Variants in NRXN3 observed in about 807,000 individuals in gnomAD.
The protein encoded by NRXN3 is neurexin 3.
NRXN3 carries 32 observed loss-of-function variants against 137.6 expected under a neutral mutation model. That is an observed-to-expected ratio of 0.23 (90% confidence interval 0.18 to 0.31). The LOEUF (loss-of-function observed/expected upper bound fraction) is 0.31. Among genes scored for constraint, NRXN3 ranks in the 10% least tolerant of loss-of-function variants. The pLI is 1.00. For missense variants in NRXN3, 1,574 were observed against 2,062.5 expected, an observed-to-expected ratio of 0.76 and a Z score of 4.59; for synonymous variants, 798 against 784.5, an observed-to-expected ratio of 1.02 and a Z score of -0.29.
intron 4 of NRXN3, among the ~76,000 whole-genome samples, chr14:78,440,510 A>G (rs1392891166): frequency 6.6e-6 from 1 of 152,096 alleles, no homozygotes; most frequent in Non-Finnish European, 1.5e-5. Context: ...CCTCTTGGGC[A>G]CGGAGTTTAT....
At chr14:78,392,334 C>T (rs919424401) in intron 4 of NRXN3, among the ~76,000 whole-genome samples, 2 of 152,184 alleles carry the variant, frequency 1.3e-5, no homozygotes, top group African/African-American at 4.8e-5. Context: ...TGCATACAGA[C>T]TCCTCAAAGA....
At chr14:79,170,872 T>C (rs538818002) in intron 15 of NRXN3, among the ~76,000 whole-genome samples, 2 of 152,228 alleles carry the variant, frequency 1.3e-5, no homozygotes, top group South Asian at 2.1e-4. Context: ...GGGTTTAGGA[T>C]ACTAATCAGT....
chr14:78,271,013 C>T (rs1388688876), intron 2 of NRXN3, among the ~76,000 whole-genome samples: 1 of 152,132 alleles, frequency 6.6e-6, no homozygotes, highest in African/African-American at 2.4e-5. Context: ...GTTATGAGTC[C>T]CACCCCACAA....
chr14:78,592,786 G>C (rs558479987), intron 4 of NRXN3, among the ~76,000 whole-genome samples: 28 of 152,272 alleles, frequency 1.8e-4, no homozygotes, highest in Non-Finnish European at 2.8e-4. Flanking sequence ...GCTGGGTATT[G>C]TGCGTGACAA....
chr14:78,671,308 A>G (rs2033149640), intron 6 of NRXN3, among the ~76,000 whole-genome samples: 1 of 152,218 alleles, frequency 6.6e-6, no homozygotes, highest in South Asian at 2.1e-4. Context: ...AGTGATAATC[A>G]TTTTCAAATT....
intron 4 of NRXN3, among the ~76,000 whole-genome samples, chr14:78,643,599 A>G (rs1164487392): frequency 6.6e-6 from 1 of 152,212 alleles, no homozygotes; most frequent in Admixed American, 6.5e-5. Context: ...GCTCAAATTT[A>G]GAGTTTTTGG....
chr14:79,391,609 G>C (rs904052000), intron 15 of NRXN3, among the ~76,000 whole-genome samples: 3 of 152,154 alleles, frequency 2.0e-5, no homozygotes, highest in Admixed American at 6.5e-5. Context: ...TAAAACTAAA[G>C]GGTGAGCTGT....
intron 4 of NRXN3, among the ~76,000 whole-genome samples, chr14:78,449,945 C>T (rs191117907): frequency 1.9e-3 from 292 of 152,332 alleles, no homozygotes; most frequent in Middle Eastern, 0.01. Context: ...CTCTAACAGA[C>T]CATTGGCTAT....
chr14:79,659,377 C>T (rs2098522053), intron 16 of NRXN3, among the ~76,000 whole-genome samples: 1 of 152,090 alleles, frequency 6.6e-6, no homozygotes, highest in Admixed American at 6.6e-5. Context: ...CTACACTTTG[C>T]ATTTCTTAGA....
At chr14:78,705,403 C>T in intron 6 of NRXN3, among the ~76,000 whole-genome samples, 1 of 152,120 alleles carries the variant, frequency 6.6e-6, no homozygotes, top group East Asian at 1.9e-4. Context: ...CTGCACAGAG[C>T]AGGTGGGGAA....
chr14:78,930,432 A>T (rs1364724620), intron 10 of NRXN3, among the ~76,000 whole-genome samples: 2 of 152,214 alleles, frequency 1.3e-5, no homozygotes, highest in African/African-American at 4.8e-5. Context: ...GTTAAGAAGG[A>T]GGATTCTAAC....
intron 8 of NRXN3, among the ~76,000 whole-genome samples, chr14:78,770,225 C>A (rs1378308137): frequency 6.6e-6 from 1 of 152,134 alleles, no homozygotes; most frequent in Non-Finnish European, 1.5e-5. Context: ...CAGGGTCGCC[C>A]AGCGCTGGTA....
chr14:79,026,961 TA>T (rs58784494), intron 15 of NRXN3, among the ~76,000 whole-genome samples: 30 of 226 alleles, frequency 0.13, no homozygotes, highest in Non-Finnish European at 0.28. Flanking sequence ...TATATATATA[TA>T]TATATATATA....
chr14:78,956,096 T>C (rs2099396350), intron 10 of NRXN3, among the ~76,000 whole-genome samples: 1 of 152,194 alleles, frequency 6.6e-6, no homozygotes, highest in South Asian at 2.1e-4. Flanking sequence ...CATAGGGATA[T>C]ATTAGCCACT....
chr14:79,383,780 C>T (rs2094532736), intron 15 of NRXN3, among the ~76,000 whole-genome samples: 1 of 152,076 alleles, frequency 6.6e-6, no homozygotes, highest in African/African-American at 2.4e-5. Flanking sequence ...TTTTATTATC[C>T]AATTGTAACC....
chr14:79,087,590 A>G (rs1471142143), intron 15 of NRXN3, among the ~76,000 whole-genome samples: 1 of 152,178 alleles, frequency 6.6e-6, no homozygotes, highest in Non-Finnish European at 1.5e-5. Flanking sequence ...TAGAGTCTTG[A>G]AGAGGGCATA....
At chr14:79,818,560 AAACAAC>A (rs529919003) in intron 20 of NRXN3, among the ~76,000 whole-genome samples, 204 of 152,090 alleles carry the variant, frequency 1.3e-3, no homozygotes, top group African/African-American at 4.6e-3. Context: ...AGAAAGCAAA[AAACAAC>A]AACAACAACA....
chr14:78,311,002 CTCATTAAATATGG>C (rs2077915655), intron 4 of NRXN3, among the ~76,000 whole-genome samples: 1 of 152,150 alleles, frequency 6.6e-6, no homozygotes, highest in Non-Finnish European at 1.5e-5. Flanking sequence ...ATCAGCATCA[CTCATTAAATATGG>C]GAACTTTGAA....
At chr14:78,861,961 T>C (rs182265302) in intron 10 of NRXN3, among the ~76,000 whole-genome samples, 2 of 152,266 alleles carry the variant, frequency 1.3e-5, no homozygotes, top group African/African-American at 2.4e-5. Context: ...AGGCACTCTT[T>C]TAGGCACTGA....
Sources: gnomAD v4.1 joint callset for allele counts (sites outside exome capture counted in the v4.1 genomes callset) on GRCh38, gnomAD v4.1.1 for gene constraint, MANE v1.5 for transcripts, NCBI Gene and HGNC (gene_info 2026-07-23, HGNC 2026-07-21) for gene names.